The following CDC42BPB variants were observed in gnomAD, a reference collection of about 807,000 sequenced individuals.
The protein encoded by CDC42BPB is serine/threonine-protein kinase MRCK beta.
Under a neutral mutation model 214.9 loss-of-function variants are expected in CDC42BPB, and 37 were observed. The observed-to-expected ratio is 0.17, with a 90% CI of 0.13 to 0.23. The LOEUF (loss-of-function observed/expected upper bound fraction) is 0.23. CDC42BPB is among the 10% of genes least tolerant of loss of function. The probability of loss-of-function intolerance (pLI) is 1.00; values close to 1 mark genes in which losing one functional copy is unlikely to be tolerated. For missense variants in CDC42BPB, 1,694 were observed against 2,227.0 expected, an observed-to-expected ratio of 0.76 and a Z score of 4.82; for synonymous variants, 931 against 884.0, an observed-to-expected ratio of 1.05 and a Z score of -0.94.
At chr14:102,938,499 C>T in intron 34 of CDC42BPB, 88 bp from the exon 35 acceptor site, 2 of 1,474,512 alleles carry the variant, frequency 1.4e-6, no homozygotes, top group South Asian at 1.4e-5. Context: ...GTGGCTGTGG[C>T]CTCGTGACCT....
intron 29 of CDC42BPB, chr14:102,945,071 A>G (rs1408428631): frequency 2.9e-6 from 1 of 344,520 alleles, no homozygotes; most frequent in African/African-American, 2.2e-5. Context: ...CTCCCCACAG[A>G]GCTGCCAGGG....
rs560613533 is a variant in CDC42BPB, at chr14:103,002,664, G to A, written c.447+1264C>T. ...AGAGCAGGGGATCCGGAACCTGCTC[G>A]CCAGGCTGGGGCTGGGTCTTGGTCA... On this transcript the variant is annotated intron_variant, in intron 4 of 36. Transcript: ENST00000361246. Among the ~76,000 whole-genome samples the A allele has an allele frequency of 4.9e-4, 74 of 152,104 alleles. 1 individual carries two copies. Among genetic ancestry groups the A allele is most frequent in the Non-Finnish European group, 8.5e-4 (58 of 68,016 alleles).
chr14:103,045,035 A>AAAATAAAT (rs36127793), intron 1 of CDC42BPB, among the ~76,000 whole-genome samples: 77 of 146,188 alleles, frequency 5.3e-4, no homozygotes, highest in Non-Finnish European at 5.1e-4. Flanking sequence ...CTCTGTCTCT[A>AAAATAAAT]AAATAAATAA....
At chr14:103,055,772 C>T (rs2139804371) in intron 1 of CDC42BPB, among the ~76,000 whole-genome samples, 1 of 151,470 alleles carries the variant, frequency 6.6e-6, no homozygotes, top group Non-Finnish European at 1.5e-5. Flanking sequence ...TTCCAGTCAC[C>T]AATCTGGCAG....
At chr14:103,008,295 G>C (rs986903958) in intron 3 of CDC42BPB, among the ~76,000 whole-genome samples, 177 bp downstream of exon 3, 3 of 152,228 alleles carry the variant, frequency 2.0e-5, no homozygotes, top group African/African-American at 7.2e-5. Flanking sequence ...CTGAGGCGGG[G>C]AGCAGCAGGC....
At chr14:102,990,402 G>A (rs990494778) in intron 5 of CDC42BPB, among the ~76,000 whole-genome samples, 1 of 152,184 alleles carries the variant, frequency 6.6e-6, no homozygotes, top group Non-Finnish European at 1.5e-5. Flanking sequence ...CCTGGGCAGA[G>A]CAATTCTAAA....
At chr14:103,030,745 G>A (rs1887323692) in intron 1 of CDC42BPB, among the ~76,000 whole-genome samples, 1 of 151,786 alleles carries the variant, frequency 6.6e-6, no homozygotes, top group African/African-American at 2.4e-5. Context: ...AGCACTGTGG[G>A]AGCTGAGACA....
chr14:103,001,338 G>A lies in CDC42BPB; in HGVS notation c.448-1625C>T, dbSNP rs1566894136. The stretch of plus-strand genomic sequence containing the variant: ...CCCTGGCTCAGCAGAGCTCACACTG[G>A]GGGCGGGAGAGACCGTGGCCAGCAT... On this transcript the variant is annotated intron_variant, in intron 4 of 36. Coordinates refer to ENST00000361246, the MANE Select transcript of CDC42BPB (RefSeq NM_006035.4). The surrounding 1 kb of genome is among the most constrained non-coding windows in gnomAD (Gnocchi z 5.8). Among the ~76,000 whole-genome samples the A allele has an allele frequency of 6.6e-6, 1 of 152,214 alleles. No individual in the cohort carries two copies. The highest frequency in any genetic ancestry group is 1.9e-4 in the East Asian group (1 of 5,184).
At chr14:102,957,071 C>T (rs1216165962) in intron 21 of CDC42BPB, among the ~76,000 whole-genome samples, 1 of 146,198 alleles carries the variant, frequency 6.8e-6, no homozygotes, top group African/African-American at 2.5e-5. Context: ...CATAGTGGCG[C>T]GTGCCTGTAG....
At chr14:102,945,025 C>A in intron 29 of CDC42BPB, 1 of 304,406 alleles carries the variant, frequency 3.3e-6, no homozygotes, top group South Asian at 2.6e-5. Context: ...CCTCACACGG[C>A]CCCCAGGCTA....
At chr14:102,999,798 G>T in intron 4 of CDC42BPB, 85 bp from the exon 5 acceptor site, 1 of 1,553,260 alleles carries the variant, frequency 6.4e-7, no homozygotes, top group South Asian at 1.2e-5. Context: ...TCCATGGCGA[G>T]GTTCTCAGGC....
At chr14:102,986,917 T>C (rs1455872777) in intron 5 of CDC42BPB, among the ~76,000 whole-genome samples, 1 of 152,200 alleles carries the variant, frequency 6.6e-6, no homozygotes, top group Non-Finnish European at 1.5e-5. Flanking sequence ...ACGCTGCCCC[T>C]GCCTTCATGA....
chr14:102,942,899 C>T lies in CDC42BPB; in HGVS notation c.4408+992G>A, dbSNP rs182329574. Among the ~76,000 whole-genome samples, 91 of 151,096 alleles carry T rather than the reference C, an allele frequency of 6.0e-4. 5 individuals carry two copies. The South Asian group carries it at 0.016, about 27-fold the overall frequency. On this transcript the variant is annotated intron_variant, in intron 30 of 36. Coordinates refer to ENST00000361246, the MANE Select transcript of CDC42BPB (RefSeq NM_006035.4). ...TGTTTGTTTGTTTAAGACGGAGTCT[C>T]GCTCTGTTGTCCAGGCTAGAGTGCA...
intron 1 of CDC42BPB, among the ~76,000 whole-genome samples, chr14:103,050,819 G>C (rs1480428592): frequency 1.3e-5 from 2 of 152,014 alleles, no homozygotes; most frequent in African/African-American, 4.8e-5. Flanking sequence ...TTGGAGGTCA[G>C]GGAAATCATC....
intron 1 of CDC42BPB, among the ~76,000 whole-genome samples, chr14:103,025,322 G>A (rs557827256): frequency 1.3e-5 from 2 of 151,956 alleles, no homozygotes; most frequent in African/African-American, 4.8e-5. Context: ...TGTACCCTAC[G>A]GCACAGAAAT....
chr14:103,026,384 C>T (rs568210083), intron 1 of CDC42BPB, among the ~76,000 whole-genome samples: 89 of 152,006 alleles, frequency 5.9e-4, no homozygotes, highest in Non-Finnish European at 1.1e-3. Flanking sequence ...AGTGAGGTTC[C>T]GTCTCAAAAA....
rs1892435410 is a variant in CDC42BPB, at chr14:102,950,449, G to C, written c.3309+17C>G. Reference sequence around the variant, plus strand: ...TCACAGGCACCGAGGGCTGAGGGCGGAGATGAAGCCGCCTACCTTGACATG... The same window carrying C: ...TCACAGGCACCGAGGGCTGAGGGCGCAGATGAAGCCGCCTACCTTGACATG... On this transcript the variant is annotated intron_variant, in intron 25 of 36. Coordinates refer to ENST00000361246, the MANE Select transcript of CDC42BPB (RefSeq NM_006035.4). 6.2e-7 allele frequency: 1 copy of C among 1,612,260 alleles called. No homozygotes were observed. The highest frequency in any genetic ancestry group is 1.3e-5 in the African/African-American group (1 of 75,054).
At chr14:102,972,302 T>TG (rs973460530) in intron 12 of CDC42BPB, 141 bp from the exon 13 acceptor site, 1 of 1,491,050 alleles carries the variant, frequency 6.7e-7, no homozygotes, top group Non-Finnish European at 8.9e-7. Context: ...CTGAGCTGCT[T>TG]GGAAAAAGAC....
intron 1 of CDC42BPB, among the ~76,000 whole-genome samples, chr14:103,017,360 C>G (rs1886522952): frequency 6.6e-6 from 1 of 152,046 alleles, no homozygotes; most frequent in Non-Finnish European, 1.5e-5. Flanking sequence ...GGAGTCCACA[C>G]TGATATTAAC....
Sources: allele counts gnomAD v4.1 joint callset (sites outside exome capture counted in the v4.1 genomes callset), GRCh38; gene constraint gnomAD v4.1.1; non-coding constraint Gnocchi (gnomAD v3.1); transcripts MANE v1.5; gene names NCBI Gene and HGNC (gene_info 2026-07-23, HGNC 2026-07-21).